Variants in STEAP4 observed in about 807,000 individuals in gnomAD.
STEAP4 encodes the protein metalloreductase STEAP4.
Under a neutral mutation model 43.6 loss-of-function variants are expected in STEAP4, and 36 were observed. The observed-to-expected ratio is 0.83, with a 90% CI of 0.63 to 1.09. STEAP4 has a LOEUF of 1.09. Among genes scored for constraint, STEAP4 ranks in the 50% least tolerant of loss-of-function variants. The probability of loss-of-function intolerance (pLI) is 0.00; values close to 1 mark genes in which losing one functional copy is unlikely to be tolerated. For synonymous variants in STEAP4, 191 were observed against 196.7 expected, an observed-to-expected ratio of 0.97 and a Z score of 0.24; for missense variants, 495 against 546.5, an observed-to-expected ratio of 0.91 and a Z score of 0.94.
In STEAP4 at chr7:88,278,356, T is replaced by G. The variant is rs539961340; in HGVS notation, c.*1042A>C. 6.6e-6 allele frequency: 1 copy of G among 152,352 alleles called. No individual in the cohort carries two copies. The highest frequency in any genetic ancestry group is 2.1e-4 in the South Asian group (1 of 4,828). 9.4% of individuals were successfully genotyped at this position (152,352 alleles called of 1,614,324 possible). On this transcript the variant is annotated 3_prime_UTR_variant, in exon 5 of 5. Coordinates refer to ENST00000380079, the MANE Select transcript of STEAP4 (RefSeq NM_024636.4). The stretch of plus-strand genomic sequence containing the variant: ...CCGTAATTTTCGATCATCTATGCAT[T>G]GTTCAAATTTATACCTGCAGACTAT...
intron 3 of STEAP4, chr7:88,281,442 A>G (rs1049112568): frequency 1.7e-4 from 28 of 166,090 alleles, no homozygotes; most frequent in Non-Finnish European, 2.4e-4. Flanking sequence ...TCTGCTTTAT[A>G]TGTGGATTAC....
At chr7:88,295,330 G>T (rs1402469990) in intron 1 of STEAP4, among the ~76,000 whole-genome samples, 1 of 152,070 alleles carries the variant, frequency 6.6e-6, no homozygotes, top group African/African-American at 2.4e-5. Flanking sequence ...ACTCTGCAAA[G>T]GTCTACACTA....
chr7:88,291,197 A>C (rs2115989014), intron 1 of STEAP4, among the ~76,000 whole-genome samples: 1 of 152,224 alleles, frequency 6.6e-6, no homozygotes, highest in East Asian at 1.9e-4. Context: ...ACGATTCTTA[A>C]GAATCTCCTA....
At chr7:88,299,358 A>AG (rs1469074577) in intron 1 of STEAP4, among the ~76,000 whole-genome samples, 45 of 152,234 alleles carry the variant, frequency 3.0e-4, no homozygotes, top group African/African-American at 1.0e-3. Context: ...ATTAAAGCCC[A>AG]GGACTCATGA....
At chr7:88,291,526 G>A (rs1414613607) in intron 1 of STEAP4, among the ~76,000 whole-genome samples, 1 of 135,124 alleles carries the variant, frequency 7.4e-6, no homozygotes, top group African/African-American at 2.6e-5. Context: ...ATAGATATAT[G>A]CACACTCTCA....
At position 88,284,190 on chromosome 7, in the gene STEAP4, G is replaced by T; in HGVS notation, c.80C>A (p.Thr27Asn). 1 of 1,613,968 alleles carries T rather than the reference G, an allele frequency of 6.2e-7. No homozygotes were observed. Residue 27 changes from threonine (T) to asparagine (N), a missense_variant, in exon 2 of 5, where the codon ACT (threonine) becomes AAT (asparagine). Physicochemically the swap from Thr to Asn is moderately conservative, Grantham distance 65. Coordinates refer to ENST00000380079, the MANE Select transcript of STEAP4 (RefSeq NM_024636.4). ...TCCCAGTGATCTTCCAAAATCACCA[G>T]TTCCAAAAATACATACAGTCTCTTG... The part of the protein sequence containing the change: ...EKQETVCIFG[T>N]GDFGRSLGLK...
chr7:88,296,556 T>C (rs530806565), intron 1 of STEAP4, among the ~76,000 whole-genome samples: 2 of 152,294 alleles, frequency 1.3e-5, no homozygotes, highest in South Asian at 4.1e-4. Context: ...TGATAACATA[T>C]TTGTAATGAG....
chr7:88,283,786 G>A, intron 2 of STEAP4, 28 bp downstream of exon 2: 3 of 1,580,666 alleles, frequency 1.9e-6, no homozygotes, highest in Non-Finnish European at 2.6e-6. Flanking sequence ...ATGTTTTAAA[G>A]ATTGAGTGTA....
At chr7:88,286,212 C>T (rs1032694855) in intron 1 of STEAP4, among the ~76,000 whole-genome samples, 9 of 152,146 alleles carry the variant, frequency 5.9e-5, no homozygotes, top group African/African-American at 1.9e-4. Flanking sequence ...CTCTGTGGCA[C>T]ACAAAAATTC....
chr7:88,283,183 G>A lies in STEAP4; in HGVS notation c.457-15C>T, dbSNP rs1852660300. Reference sequence around the variant, plus strand: ...CACACAAACACCTAGTTTAAAAACAGTTAATTAATTCTGTATTTACTCCTT... The same window carrying A: ...CACACAAACACCTAGTTTAAAAACAATTAATTAATTCTGTATTTACTCCTT... On this transcript the variant is annotated splice_polypyrimidine_tract_variant and intron_variant, in intron 2 of 4. Coordinates refer to ENST00000380079, the MANE Select transcript of STEAP4 (RefSeq NM_024636.4). 6.6e-7 allele frequency: 1 copy of A among 1,517,894 alleles called. No homozygotes were observed. Among genetic ancestry groups the A allele is most frequent in the Non-Finnish European group, 8.8e-7 (1 of 1,136,474 alleles). 94.0% of individuals were successfully genotyped at this position (1,517,894 alleles called of 1,614,324 possible).
At chr7:88,286,553 A>C (rs937670876) in intron 1 of STEAP4, among the ~76,000 whole-genome samples, 2 of 152,138 alleles carry the variant, frequency 1.3e-5, no homozygotes, top group Non-Finnish European at 2.9e-5. Flanking sequence ...TTTACCCAAA[A>C]TGATAACTCA....
At chr7:88,294,682 A>G in intron 1 of STEAP4, among the ~76,000 whole-genome samples, 1 of 152,012 alleles carries the variant, frequency 6.6e-6, no homozygotes, top group Non-Finnish European at 1.5e-5. Context: ...TATCTCTTCT[A>G]AATGGTGGTA....
intron 4 of STEAP4, among the ~76,000 whole-genome samples, chr7:88,280,125 T>C (rs542495508): frequency 4.5e-4 from 69 of 152,210 alleles, no homozygotes; most frequent in Non-Finnish European, 9.0e-4. Flanking sequence ...ATTTCTGCCT[T>C]AATACCTTGA....
Position 88,278,611 on chromosome 7 carries a change from A to T in STEAP4, c.*787T>A, listed in dbSNP as rs1485545886. The T allele has an allele frequency of 2.6e-5, 4 of 152,198 alleles. No homozygotes were observed. The highest frequency in any genetic ancestry group is 7.2e-5 in the African/African-American group (3 of 41,466). The allele number at this position is 152,198 out of a possible 1,614,324, so 9.4% of individuals were successfully genotyped here. ...CTGGTTTCTTTGAACTTTTTGATCA[A>T]GAACTTTTATCAACCCTTCTTTGCT... On this transcript the variant is annotated 3_prime_UTR_variant, in exon 5 of 5. Transcript: ENST00000380079.
intron 1 of STEAP4, among the ~76,000 whole-genome samples, chr7:88,306,088 C>T (rs1300219739): frequency 1.3e-5 from 2 of 152,160 alleles, no homozygotes; most frequent in African/African-American, 4.8e-5. Flanking sequence ...AGGCTGGTCT[C>T]GAACTCCTGA....
At chr7:88,297,769 C>T (rs938018492) in intron 1 of STEAP4, among the ~76,000 whole-genome samples, 2 of 151,998 alleles carry the variant, frequency 1.3e-5, no homozygotes, top group African/African-American at 2.4e-5. Flanking sequence ...AAGGGCAACC[C>T]TTACAAAAAT....
At position 88,283,064 on chromosome 7, in the gene STEAP4, T is replaced by G; in HGVS notation, c.561A>C (p.Lys187Asn). Residue 187 changes from lysine (K) to asparagine (N), a missense_variant, in exon 3 of 5, where the codon AAA (lysine) becomes AAC (asparagine). Transcript: ENST00000380079. ...PMDQGSLMAA[K>N]EIEKYPLQLF... ...GCTGCAGGGGGTACTTTTCAATTTC[T>G]TTGGCTGCCATGAGTGATCCTTGAT... The G allele has an allele frequency of 6.2e-7, 1 of 1,613,518 alleles. No homozygotes were observed. The highest frequency in any genetic ancestry group is 1.3e-5 in the African/African-American group (1 of 75,020).
chr7:88,289,691 G>A (rs1361177893), intron 1 of STEAP4, among the ~76,000 whole-genome samples: 1 of 152,206 alleles, frequency 6.6e-6, no homozygotes, highest in Non-Finnish European at 1.5e-5. Context: ...ATCTAATTAA[G>A]TACATCTGAA....
intron 1 of STEAP4, among the ~76,000 whole-genome samples, chr7:88,306,378 G>A (rs1265101475): frequency 6.6e-6 from 1 of 152,252 alleles, no homozygotes; most frequent in African/African-American, 2.4e-5. Context: ...GGAAGTGGTT[G>A]CAGGTATCAG....
Sources: allele counts gnomAD v4.1 joint callset (sites outside exome capture counted in the v4.1 genomes callset), GRCh38; gene constraint gnomAD v4.1.1; transcripts MANE v1.5; gene names NCBI Gene and HGNC (gene_info 2026-07-23, HGNC 2026-07-21).